PAK1IP1: variants seen among roughly 807,000 people sequenced by gnomAD.
The protein encoded by PAK1IP1 is p21-activated protein kinase-interacting protein 1.
In PAK1IP1, 24 loss-of-function variants were observed where a neutral mutation model predicts 42.0. The ratio of observed to expected loss-of-function variants is 0.57; its 90% CI spans 0.41 to 0.80. PAK1IP1 has a LOEUF of 0.80. PAK1IP1 is among the 30% of genes least tolerant of loss of function. The probability of loss-of-function intolerance (pLI) is 0.00; values close to 1 mark genes in which losing one functional copy is unlikely to be tolerated. For synonymous variants in PAK1IP1, 154 were observed against 156.7 expected, an observed-to-expected ratio of 0.98 and a Z score of 0.13; for missense variants, 411 against 467.9, an observed-to-expected ratio of 0.88 and a Z score of 1.12.
rs1770141453 is a variant in PAK1IP1, at chr6:10,704,562, G to A, written c.552G>A (p.Gln184=). Residue 184 remains glutamine (Q), a synonymous_variant, in exon 6 of 10, where the codon CAG becomes CAA. Transcript: ENST00000379568. ...PRGEQYVVII[Q]NKIDIYQLDT... ...GAGAGCAGTATGTAGTTATCATACA[G>A]AATAAAATAGACATCTATCAGCTTG... The A allele has an allele frequency of 6.3e-7, 1 of 1,598,092 alleles. No individual in the cohort carries two copies. Among genetic ancestry groups the A allele is most frequent in the Non-Finnish European group, 8.6e-7 (1 of 1,167,054 alleles).
At chr6:10,692,028 T>A (rs898050586), upstream of PAK1IP1, among the ~76,000 whole-genome samples, 2 of 152,214 alleles carry the variant, frequency 1.3e-5, no homozygotes, top group African/African-American at 4.8e-5. Flanking sequence ...AAATTTATTT[T>A]AAAAAGTGTA....
intron 9 of PAK1IP1, 71 bp downstream of exon 9, chr6:10,709,147 C>A: frequency 6.6e-7 from 1 of 1,512,586 alleles, no homozygotes; most frequent in Non-Finnish European, 9.1e-7. Flanking sequence ...TGGAGGAGAT[C>A]CAGATAATTT....
Position 10,704,732 on chromosome 6 carries a change from T to C in PAK1IP1, c.643-15T>C. 6.2e-7 allele frequency: 1 copy of C among 1,606,414 alleles called. No homozygotes were observed. The highest frequency in any genetic ancestry group is 1.3e-5 in the African/African-American group (1 of 74,892). Reference sequence around the variant, plus strand: ...TGACATTCTGGATGTTATTACTCTTTTTCCTCTCTCCTAGGAGTCTGTCCT... The same window carrying C: ...TGACATTCTGGATGTTATTACTCTTCTTCCTCTCTCCTAGGAGTCTGTCCT... On this transcript the variant is annotated splice_polypyrimidine_tract_variant and intron_variant, in intron 6 of 9. Coordinates refer to ENST00000379568, the MANE Select transcript of PAK1IP1 (RefSeq NM_017906.3).
chr6:10,697,286 T>A (rs1561890100), intron 1 of PAK1IP1, 38 bp from the exon 2 acceptor site: 1 of 1,580,434 alleles, frequency 6.3e-7, no homozygotes, highest in Non-Finnish European at 8.7e-7. Flanking sequence ...AGAACTGTGG[T>A]GTGACTGGCA....
At chr6:10,705,110 G>A (rs998943814) in intron 7 of PAK1IP1, among the ~76,000 whole-genome samples, 1 of 152,096 alleles carries the variant, frequency 6.6e-6, no homozygotes, top group Non-Finnish European at 1.5e-5. Flanking sequence ...GGATCAGGAG[G>A]TCAAGAGATC....
chr6:10,707,388 T>G, intron 7 of PAK1IP1, 27 bp from the exon 8 acceptor site: 6 of 1,203,658 alleles, frequency 5.0e-6, no homozygotes, highest in Non-Finnish European at 6.2e-6. Flanking sequence ...GAAAAGATCT[T>G]TTATGGTGTT....
intron 5 of PAK1IP1, among the ~76,000 whole-genome samples, chr6:10,703,724 C>T (rs1020472119): frequency 3.9e-5 from 6 of 152,120 alleles, no homozygotes; most frequent in Non-Finnish European, 5.9e-5. Context: ...GTTTTATCCT[C>T]GAGATATTTC....
intron 1 of PAK1IP1, 108 bp downstream of exon 1, chr6:10,695,177 T>C (rs1387561932): frequency 2.6e-5 from 18 of 694,894 alleles, no homozygotes; most frequent in South Asian, 2.5e-4. Context: ...CACTGGATGA[T>C]TTGATGAATC....
At chr6:10,705,703 C>G (rs1770182321) in intron 7 of PAK1IP1, among the ~76,000 whole-genome samples, 1 of 152,182 alleles carries the variant, frequency 6.6e-6, no homozygotes, top group Non-Finnish European at 1.5e-5. Flanking sequence ...CCGGTTTTAT[C>G]TGACTCTTAT....
intron 7 of PAK1IP1, among the ~76,000 whole-genome samples, chr6:10,706,004 A>G (rs1770192109): frequency 6.6e-6 from 1 of 152,214 alleles, no homozygotes; most frequent in Admixed American, 6.5e-5. Context: ...TTCATTGAGC[A>G]TCATTATGAA....
upstream of PAK1IP1, chr6:10,694,591 A>ATG: frequency 5.6e-6 from 1 of 180,128 alleles, no homozygotes; most frequent in South Asian, 9.4e-5. Context: ...CCGGCGCTAC[A>ATG]GCCCCTAAGC....
chr6:10,697,353 C>A lies in PAK1IP1; in HGVS notation c.114C>A (p.His38Gln). 2 of 1,614,048 alleles carry A rather than the reference C, an allele frequency of 1.2e-6. No homozygotes were observed. The highest frequency in any genetic ancestry group is 1.7e-6 in the Non-Finnish European group (2 of 1,179,938). ...GGACTCTTGTGGCTGACTTCACTCA[C>A]CATGCTCACACTGCCTCCTTGTCAG... ...EQWTLVADFT[H>Q]HAHTASLSAV... The change falls in exon 2 of 10, where the codon CAC becomes CAA. Residue 38 changes from histidine to glutamine, a missense_variant. By Grantham distance (24) the His-to-Gln change is conservative (BLOSUM62 0). Coordinates refer to ENST00000379568, the MANE Select transcript of PAK1IP1 (RefSeq NM_017906.3).
upstream of PAK1IP1, chr6:10,694,589 A>ATG: frequency 1.1e-5 from 2 of 178,140 alleles, no homozygotes; most frequent in South Asian, 9.8e-5. Flanking sequence ...TGCCGGCGCT[A>ATG]CAGCCCCTAA....
In PAK1IP1 at chr6:10,704,829, A is replaced by G. The variant is rs768806860; in HGVS notation, c.725A>G (p.Lys242Arg). Residue 242 changes from lysine to arginine, a missense_variant, in exon 7 of 10, where the codon AAA (lysine) becomes AGA (arginine). By Grantham distance (26) the Lys-to-Arg change is conservative. Transcript: ENST00000379568. ...TCACTAGTGTGCCTCTGCGAATTTA[A>G]AGCTCATGAAAACAGGTATTTTTAC... ...CDSLVCLCEFKAHENRVKDMF... is the reference protein window; with the variant it reads ...CDSLVCLCEFRAHENRVKDMF... The G allele has an allele frequency of 2.5e-6, 4 of 1,607,850 alleles. No individual in the cohort carries two copies. In the South Asian group the frequency reaches 4.4e-5, roughly 18 times the overall value.
chr6:10,694,343 G>A (rs1039791006), upstream of PAK1IP1, among the ~76,000 whole-genome samples: 1 of 151,986 alleles, frequency 6.6e-6, no homozygotes, highest in South Asian at 2.1e-4. Flanking sequence ...CCCAGAGTTA[G>A]ACAAGCAGAC....
chr6:10,702,433 C>T lies in PAK1IP1; in HGVS notation c.312C>T (p.Leu104=), dbSNP rs2127480193. Residue 104 remains leucine (L), a synonymous_variant, in exon 3 of 10, where the codon CTC becomes CTT. Coordinates refer to ENST00000379568, the MANE Select transcript of PAK1IP1 (RefSeq NM_017906.3). ...RHLISGAEDG[L]ICIWDAKKWE... is the part of the protein sequence containing the mutation. ...TAATCAGTGGAGCGGAAGATGGACT[C>T]ATCTGTATCTGGGATGCAAAGAAAT... The T allele has an allele frequency of 1.2e-6, 2 of 1,613,544 alleles. No individual in the cohort carries two copies. The highest frequency in any genetic ancestry group is 8.5e-7 in the Non-Finnish European group (1 of 1,179,528).
chr6:10,709,066 G>A lies in PAK1IP1; in HGVS notation c.954G>A (p.Glu318=). 6.2e-7 allele frequency: 1 copy of A among 1,612,244 alleles called. No individual in the cohort carries two copies. The highest frequency in any genetic ancestry group is 1.7e-5 in the Admixed American group (1 of 59,588). The change falls in exon 9 of 10, where the codon GAG becomes GAA. Residue 318 remains glutamate (E), a synonymous_variant. Transcript: ENST00000379568. Reference sequence around the variant, plus strand: ...AAGAAAGCCTTCCTCCAGCTGCAGAGCCTTCTCCTGGTAATCGAATTTGAT... The same window carrying A: ...AAGAAAGCCTTCCTCCAGCTGCAGAACCTTCTCCTGGTAATCGAATTTGAT... The part of the protein sequence containing the change: ...DMKESLPPAA[E]PSPVSKEQSK...
chr6:10,694,586 GCT>G, upstream of PAK1IP1: 44 of 185,656 alleles, frequency 2.4e-4, no homozygotes, highest in South Asian at 1.2e-3. Flanking sequence ...CGCTGCCGGC[GCT>G]ACAGCCCCTA....
chr6:10,700,765 G>A (rs1770003097), intron 2 of PAK1IP1, among the ~76,000 whole-genome samples: 2 of 152,046 alleles, frequency 1.3e-5, no homozygotes, highest in Non-Finnish European at 2.9e-5. Flanking sequence ...AATGAAGTAG[G>A]GCTCTTGGTT....
Sources: gnomAD v4.1 joint callset for allele counts (sites outside exome capture counted in the v4.1 genomes callset) on GRCh38, gnomAD v4.1.1 for gene constraint, MANE v1.5 for transcripts, NCBI Gene and HGNC (gene_info 2026-07-23, HGNC 2026-07-21) for gene names.